The following MROH1 variants were observed in gnomAD, a reference collection of about 807,000 sequenced individuals.
MROH1 encodes maestro heat-like repeat-containing protein family member 1.
A neutral mutation model predicts 116.5 loss-of-function variants in MROH1; 117 were observed. That is an observed-to-expected ratio of 1.00 (90% CI 0.86 to 1.17). The LOEUF (loss-of-function observed/expected upper bound fraction) is 1.17. Among genes scored for constraint, MROH1 ranks in the 50% most tolerant of loss-of-function variants. MROH1 has a pLI of 0.00. For missense variants in MROH1, 1,873 were observed against 1,338.5 expected, an observed-to-expected ratio of 1.40 and a Z score of -6.23; for synonymous variants, 921 against 583.9, an observed-to-expected ratio of 1.58 and a Z score of -8.32.
chr8:144,255,753 G>A (rs1843617265), intron 35 of MROH1, 48 bp downstream of exon 35: 4 of 716,586 alleles, frequency 5.6e-6, no homozygotes, highest in Non-Finnish European at 1.0e-5. Context: ...CGGAAGCACA[G>A]GCATGCGTGT....
At chr8:144,215,360 G>A (rs1028309247) in intron 12 of MROH1, among the ~76,000 whole-genome samples, 6 of 152,338 alleles carry the variant, frequency 3.9e-5, no homozygotes, top group Non-Finnish European at 8.8e-5. Context: ...GTGAGTGTGC[G>A]ATGGGCTTAC....
At chr8:144,247,945 A>G (rs1842179930) in intron 31 of MROH1, among the ~76,000 whole-genome samples, 1 of 152,244 alleles carries the variant, frequency 6.6e-6, no homozygotes, top group Non-Finnish European at 1.5e-5. Flanking sequence ...CAAGGAGAGA[A>G]TGGGGTGCCA....
At position 144,261,268 on chromosome 8, in the gene MROH1, T is replaced by C; in HGVS notation, c.4775-16T>C. 1 of 747,582 alleles carries C rather than the reference T, an allele frequency of 1.3e-6. No individual in the cohort carries two copies. Among genetic ancestry groups the C allele is most frequent in the Non-Finnish European group, 2.4e-6 (1 of 410,546 alleles). 46.3% of individuals were successfully genotyped at this position (747,582 alleles called of 1,614,324 possible). On this transcript the variant is annotated splice_polypyrimidine_tract_variant and intron_variant, in intron 42 of 43. Transcript: ENST00000326134. The stretch of plus-strand genomic sequence containing the variant: ...CACGCCGCCCGGCAGCCCCGCCTGA[T>C]GCCCCCACTTCACAGGGTTCCTGGT...
At chr8:144,232,013 G>T (rs532571031) in intron 14 of MROH1, among the ~76,000 whole-genome samples, 1 of 152,302 alleles carries the variant, frequency 6.6e-6, no homozygotes, top group South Asian at 2.1e-4. Flanking sequence ...TTGCATGTTG[G>T]TTCTTTCTTT....
chr8:144,217,352 G>A (rs1001011785), intron 12 of MROH1, among the ~76,000 whole-genome samples: 7 of 152,174 alleles, frequency 4.6e-5, no homozygotes, highest in Non-Finnish European at 1.0e-4. Flanking sequence ...TGTGTACGGT[G>A]TATATGAACC....
Position 144,241,100 on chromosome 8 carries a change from G to A in MROH1, c.2044G>A (p.Ala682Thr). The A allele has an allele frequency of 2.6e-6, 2 of 768,004 alleles. No individual in the cohort carries two copies. Among genetic ancestry groups the A allele is most frequent in the Admixed American group, 1.7e-5 (1 of 57,198 alleles). 47.6% of individuals were successfully genotyped at this position (768,004 alleles called of 1,614,324 possible). The change falls in exon 21 of 44, where the codon GCA becomes ACA. Residue 682 changes from alanine (A) to threonine (T), a missense_variant. Ala to Thr is a moderately conservative substitution (Grantham distance 58). Transcript: ENST00000326134. The part of the protein sequence containing the change: ...LLETARYQEE[A>T]EREGLACCFG... The stretch of plus-strand genomic sequence containing the variant: ...GGAGACGGCCAGATACCAGGAGGAG[G>A]CAGAACGCGAGGTGGGGCCGCTTTC...
chr8:144,192,885 C>T (rs1422849774), intron 10 of MROH1: 4 of 318,324 alleles, frequency 1.3e-5, no homozygotes, highest in Non-Finnish European at 1.8e-5. Flanking sequence ...AGGCTGAGAA[C>T]GACTGAGGGA....
chr8:144,166,445 T>G (rs1482912754), intron 3 of MROH1, among the ~76,000 whole-genome samples: 1 of 152,028 alleles, frequency 6.6e-6, no homozygotes, highest in Non-Finnish European at 1.5e-5. Context: ...TGGGGTCCGC[T>G]CGGGCTGCCC....
At chr8:144,229,998 C>T (rs938729381) in intron 14 of MROH1, among the ~76,000 whole-genome samples, 6 of 151,972 alleles carry the variant, frequency 3.9e-5, no homozygotes, top group South Asian at 2.1e-4. Context: ...GGCGCCACTG[C>T]ACTCTAGCCT....
chr8:144,195,063 C>T (rs74874005), intron 10 of MROH1, among the ~76,000 whole-genome samples: 27 of 151,432 alleles, frequency 1.8e-4, no homozygotes, highest in African/African-American at 5.6e-4. Flanking sequence ...GGTGTCATGG[C>T]GCATGCCTGT....
chr8:144,204,310 T>C (rs1832367451), intron 12 of MROH1, among the ~76,000 whole-genome samples: 1 of 152,158 alleles, frequency 6.6e-6, no homozygotes, highest in South Asian at 2.1e-4. Flanking sequence ...TGGGGTCTAC[T>C]TATGTTGCCC....
Position 144,199,130 on chromosome 8 carries a change from G to T in MROH1, c.957G>T (p.Val319=). The change falls in exon 11 of 44, where the codon GTG becomes GTT. Residue 319 remains valine (V), a synonymous_variant. Coordinates refer to ENST00000326134, the MANE Select transcript of MROH1 (RefSeq NM_032450.3). ...LLAALHSQIC[V]PVESSSPLVM... is the part of the protein sequence containing the mutation. The stretch of plus-strand genomic sequence containing the variant: ...CCCCGTTCCTGGAGCAGATCTGTGT[G>T]CCTGTGGAGTCCTCAAGCCCCCTGG... 3 of 1,613,690 alleles carry T rather than the reference G, an allele frequency of 1.9e-6. No individual in the cohort carries two copies. The highest frequency in any genetic ancestry group is 2.5e-6 in the Non-Finnish European group (3 of 1,179,780).
chr8:144,193,320 T>A (rs959505847), intron 10 of MROH1: 17 of 152,264 alleles, frequency 1.1e-4, no homozygotes, highest in African/African-American at 3.4e-4. Context: ...AATAATATTC[T>A]AAGACCTTTC....
intron 14 of MROH1, among the ~76,000 whole-genome samples, chr8:144,237,671 G>A (rs2132815830): frequency 6.6e-6 from 1 of 152,232 alleles, no homozygotes; most frequent in East Asian, 1.9e-4. Context: ...CTTCCTCAGT[G>A]AATCGTTACA....
chr8:144,220,535 T>C (rs1307765771), intron 12 of MROH1, 65 bp from the exon 13 acceptor site: 15 of 1,439,594 alleles, frequency 1.0e-5, no homozygotes, highest in African/African-American at 1.4e-5. Context: ...CCCCTGGTGA[T>C]GTGGAATGGA....
intron 2 of MROH1, 147 bp downstream of exon 2, chr8:144,161,236 G>A (rs1226582041): frequency 2.0e-5 from 3 of 152,144 alleles, no homozygotes; most frequent in Admixed American, 6.6e-5. Context: ...CCTGTCTCAG[G>A]GCCTGTACCC....
chr8:144,171,521 C>A (rs1054085026), intron 4 of MROH1, among the ~76,000 whole-genome samples: 2 of 152,198 alleles, frequency 1.3e-5, no homozygotes, highest in African/African-American at 4.8e-5. Context: ...CCCTTACCAG[C>A]CAAGTGTTTC....
intron 1 of MROH1, among the ~76,000 whole-genome samples, chr8:144,158,991 G>A (rs1043653997): frequency 2.0e-5 from 3 of 151,964 alleles, no homozygotes; most frequent in Admixed American, 6.6e-5. Context: ...AAACTGCCTC[G>A]TAGCCTCCCA....
intron 4 of MROH1, 130 bp from the exon 5 acceptor site, chr8:144,179,325 G>A (rs1035167570): frequency 4.5e-6 from 6 of 1,336,644 alleles, no homozygotes; most frequent in Admixed American, 2.1e-5. Flanking sequence ...GTGATCAGGT[G>A]TACCCCTCCC....
Sources: allele counts gnomAD v4.1 joint callset (sites outside exome capture counted in the v4.1 genomes callset), GRCh38; gene constraint gnomAD v4.1.1; transcripts MANE v1.5; gene names NCBI Gene and HGNC (gene_info 2026-07-23, HGNC 2026-07-21).